GLCCI1: variants seen among roughly 807,000 people sequenced by gnomAD.
GLCCI1 encodes glucocorticoid induced 1, also known as glucocorticoid-induced transcript 1 protein.
Under a neutral mutation model 52.2 loss-of-function variants are expected in GLCCI1, and 24 were observed. The ratio of observed to expected loss-of-function variants is 0.46; its 90% CI spans 0.33 to 0.65. The LOEUF is 0.65. Ranked by LOEUF, GLCCI1 falls within the 30% of genes least tolerant of loss-of-function variation. GLCCI1 has a pLI of 0.02. For synonymous variants in GLCCI1, 310 were observed against 276.5 expected (o/e 1.12, Z -1.20); for missense variants, 704 against 701.5 (o/e 1.00, Z -0.04).
At chr7:8,014,802 G>C (rs1012456808) in intron 2 of GLCCI1, among the ~76,000 whole-genome samples, 33 of 152,168 alleles carry the variant, frequency 2.2e-4, no homozygotes, top group African/African-American at 8.0e-4. Context: ...TTCTCTGAGA[G>C]GTGAGAGATG....
At chr7:8,003,396 C>T (rs28670736) in intron 1 of GLCCI1, among the ~76,000 whole-genome samples, 65,098 of 151,400 alleles carry the variant, frequency 0.43, 14,182 homozygotes, top group Middle Eastern at 0.5. Context: ...ATTCATGTGA[C>T]GCTTAGCATG....
At chr7:8,084,021 T>C (rs922052509) in intron 6 of GLCCI1, among the ~76,000 whole-genome samples, 1 of 152,196 alleles carries the variant, frequency 6.6e-6, no homozygotes, top group African/African-American at 2.4e-5. Flanking sequence ...ATTTTAGCAG[T>C]GGGGATAGGT....
At chr7:7,981,881 AAG>A in intron 1 of GLCCI1, 1 of 459,796 alleles carries the variant, frequency 2.2e-6, no homozygotes, top group Non-Finnish European at 4.4e-6. Context: ...ACTCCAAGTC[AAG>A]TCACTCACAC....
At chr7:7,997,572 A>G (rs1780958814) in intron 1 of GLCCI1, among the ~76,000 whole-genome samples, 1 of 152,212 alleles carries the variant, frequency 6.6e-6, no homozygotes, top group Non-Finnish European at 1.5e-5. Flanking sequence ...ATTAATATGA[A>G]TAAGTGAAGT....
At position 8,000,852 on chromosome 7, in the gene GLCCI1, G is replaced by A. The variant is rs182721554; in HGVS notation, c.458-3056G>A. On this transcript the variant is annotated intron_variant, in intron 1 of 7. Coordinates refer to ENST00000223145, the MANE Select transcript of GLCCI1 (RefSeq NM_138426.4). ...TAAAGTCTGTTTTATCAGAGACTAG[G>A]ATTGCAATCCCTGCTTTTTTTTGCT... 7.2e-5 allele frequency among the ~76,000 whole-genome samples: 11 copies of A among 152,128 alleles called. No individual in the cohort carries two copies. The East Asian group carries it at 1.9e-3, about 27-fold the overall frequency.
At chr7:8,027,633 T>C (rs781353304) in intron 3 of GLCCI1, among the ~76,000 whole-genome samples, 1 of 151,154 alleles carries the variant, frequency 6.6e-6, no homozygotes, top group Non-Finnish European at 1.5e-5. Flanking sequence ...TAAAATGGAA[T>C]GTAAATGGAC....
intron 6 of GLCCI1, among the ~76,000 whole-genome samples, chr7:8,076,367 T>C (rs185249250): frequency 8.5e-5 from 13 of 152,288 alleles, no homozygotes; most frequent in African/African-American, 3.1e-4. Context: ...GGTGGTAAAA[T>C]TACAGCATAT....
At chr7:8,028,930 A>C (rs192794999) in intron 3 of GLCCI1, among the ~76,000 whole-genome samples, 1 of 152,194 alleles carries the variant, frequency 6.6e-6, no homozygotes, top group Non-Finnish European at 1.5e-5. Context: ...AAATGGGCCA[A>C]TAACAAGTAG....
At position 8,088,170 on chromosome 7, in the gene GLCCI1, G is replaced by A. The variant is rs1305448616; in HGVS notation, c.*1632G>A. ...TTATTTTCTAAGAAGGTTGAAGAAG[G>A]ATGAGTGATAGAGAAGAAAGCAACA... On this transcript the variant is annotated 3_prime_UTR_variant, in exon 8 of 8. Coordinates refer to ENST00000223145, the MANE Select transcript of GLCCI1 (RefSeq NM_138426.4). 6.6e-6 allele frequency: 1 copy of A among 152,026 alleles called. No homozygotes were observed. Among genetic ancestry groups the A allele is most frequent in the Non-Finnish European group, 1.5e-5 (1 of 67,956 alleles). The allele number at this position is 152,026 out of a possible 1,614,324, so 9.4% of individuals were successfully genotyped here. A position where few individuals can be genotyped will look rare whatever the true frequency, so the allele number is the denominator to read the frequency against.
chr7:7,982,646 A>G (rs2115409206), intron 1 of GLCCI1, among the ~76,000 whole-genome samples: 1 of 152,232 alleles, frequency 6.6e-6, no homozygotes, highest in South Asian at 2.1e-4. Context: ...CTCCCTCTCA[A>G]GTAATTATTT....
chr7:8,069,052 G>A (rs1003593347), intron 5 of GLCCI1, among the ~76,000 whole-genome samples: 1 of 152,270 alleles, frequency 6.6e-6, no homozygotes, highest in South Asian at 2.1e-4. Context: ...GAAAGTGTGG[G>A]CTCCTCTCCT....
chr7:8,061,290 C>T (rs1024599072), intron 5 of GLCCI1, among the ~76,000 whole-genome samples: 5 of 151,882 alleles, frequency 3.3e-5, no homozygotes, highest in Admixed American at 2.6e-4. Flanking sequence ...TTAGTAGAGA[C>T]GGGGTTTTGC....
At chr7:7,997,924 C>G (rs1408503009) in intron 1 of GLCCI1, among the ~76,000 whole-genome samples, 1 of 120,180 alleles carries the variant, frequency 8.3e-6, no homozygotes, top group Admixed American at 1.0e-4. Context: ...GAGACTCTGT[C>G]TCAAATAAAT....
In GLCCI1 at chr7:7,992,086, T is replaced by TCTTTCTTC. The variant is rs1491479275; in HGVS notation, c.458-11815_458-11814insCCTTTCTT. Among the ~76,000 whole-genome samples the TCTTTCTTC allele has an allele frequency of 3.5e-5, 5 of 142,804 alleles. No homozygotes were observed. In the Admixed American group the frequency reaches 3.5e-4, roughly 10 times the overall value. 93.7% of individuals were successfully genotyped at this position (142,804 alleles called of 152,430 possible). ...TTCTTTCTTTCTTTCTTTCTTTCTT[T>TCTTTCTTC]CTTTCTTTCTTTCTGTCTGTTTCTC... On this transcript the variant is annotated intron_variant, in intron 1 of 7. Transcript: ENST00000223145.
In GLCCI1 at chr7:7,969,319, G is replaced by A; in HGVS notation, c.-32G>A. 8.5e-6 allele frequency: 12 copies of A among 1,404,768 alleles called. No homozygotes were observed. The highest frequency in any genetic ancestry group is 1.1e-5 in the Non-Finnish European group (12 of 1,073,358). 87.0% of individuals were successfully genotyped at this position (1,404,768 alleles called of 1,614,324 possible). On this transcript the variant is annotated 5_prime_UTR_variant, in exon 1 of 8. Transcript: ENST00000223145. This position sits in a 1 kb window ranked among gnomAD's most constrained non-coding sequence, Gnocchi z 4.9. ...GCCTCCCGCCCCGCGCCTCCGTGTC[G>A]GCCGGCGGCGTCCAGGGCCCGCAGA...
intron 5 of GLCCI1, among the ~76,000 whole-genome samples, chr7:8,064,353 A>C (rs1297004949): frequency 6.6e-6 from 1 of 152,210 alleles, no homozygotes; most frequent in East Asian, 1.9e-4. Context: ...CATTTATTGA[A>C]TAGGGAGTAC....
At chr7:8,049,507 G>A (rs1357550701) in intron 3 of GLCCI1, among the ~76,000 whole-genome samples, 1 of 152,026 alleles carries the variant, frequency 6.6e-6, no homozygotes, top group Non-Finnish European at 1.5e-5. Context: ...TCGTAAATAT[G>A]TTTTATAATG....
At chr7:8,054,617 A>G (rs1235317296) in intron 3 of GLCCI1, among the ~76,000 whole-genome samples, 1 of 152,086 alleles carries the variant, frequency 6.6e-6, no homozygotes, top group Non-Finnish European at 1.5e-5. Context: ...ATTTTGGAAT[A>G]CATTATATCT....
intron 2 of GLCCI1, among the ~76,000 whole-genome samples, chr7:8,015,196 C>T (rs1781351613): frequency 6.6e-6 from 1 of 152,188 alleles, no homozygotes; most frequent in African/African-American, 2.4e-5. Flanking sequence ...TTCCTCCATT[C>T]CTGAAAGGAG....
Sources: gnomAD v4.1 joint callset for allele counts (sites outside exome capture counted in the v4.1 genomes callset) on GRCh38, gnomAD v4.1.1 for gene constraint, Gnocchi (gnomAD v3.1) non-coding constraint, MANE v1.5 for transcripts, NCBI Gene and HGNC (gene_info 2026-07-23, HGNC 2026-07-21) for gene names.